The following C8orf74 variants were observed in gnomAD, a reference collection of about 807,000 sequenced individuals.
C8orf74 encodes chromosome 8 open reading frame 74, also known as uncharacterized protein C8orf74.
A neutral mutation model predicts 22.2 loss-of-function variants in C8orf74; 29 were observed. The observed-to-expected ratio is 1.31, with a 90% confidence interval of 0.97 to 1.78. The LOEUF (loss-of-function observed/expected upper bound fraction) is 1.78, where lower values mean the gene tolerates loss of function less well. C8orf74 is among the 40% of genes most tolerant of loss of function. The probability of loss-of-function intolerance (pLI) is 0.00; values close to 1 mark genes in which losing one functional copy is unlikely to be tolerated. For missense variants in C8orf74, 515 were observed against 369.9 expected, an observed-to-expected ratio of 1.39 and a Z score of -3.22; for synonymous variants, 255 against 163.1, an observed-to-expected ratio of 1.56 and a Z score of -4.30.
At chr8:10,672,994 G>A (rs1360125988) in intron 1 of C8orf74, among the ~76,000 whole-genome samples, 1 of 152,194 alleles carries the variant, frequency 6.6e-6, no homozygotes, top group Non-Finnish European at 1.5e-5. Flanking sequence ...CTGGGACCCT[G>A]AGGGTCCTGC....
At chr8:10,678,687 G>T (rs1375342382) in intron 2 of C8orf74, among the ~76,000 whole-genome samples, 1 of 152,158 alleles carries the variant, frequency 6.6e-6, no homozygotes, top group Non-Finnish European at 1.5e-5. Flanking sequence ...TGCCCAGTGG[G>T]TGACTGACCC....
intron 2 of C8orf74, among the ~76,000 whole-genome samples, chr8:10,679,347 G>A (rs1049339959): frequency 2.0e-5 from 3 of 152,076 alleles, no homozygotes; most frequent in African/African-American, 7.2e-5. Flanking sequence ...TGCCCCGCCC[G>A]GACAGCAGCG....
chr8:10,676,504 C>T (rs372515898), intron 2 of C8orf74, among the ~76,000 whole-genome samples: 80 of 152,326 alleles, frequency 5.3e-4, no homozygotes, highest in South Asian at 1.9e-3. Flanking sequence ...GAATGTCCCA[C>T]GGCACCTCTG....
intron 2 of C8orf74, among the ~76,000 whole-genome samples, chr8:10,695,356 G>A (rs1209658485): frequency 6.6e-6 from 1 of 152,044 alleles, no homozygotes; most frequent in Non-Finnish European, 1.5e-5. Context: ...GTAACCCTTG[G>A]GCTCCAAGCC....
intron 2 of C8orf74, among the ~76,000 whole-genome samples, chr8:10,690,350 C>T (rs1048276966): frequency 2.6e-5 from 4 of 152,158 alleles, no homozygotes; most frequent in Non-Finnish European, 4.4e-5. Flanking sequence ...GCGGTACAGT[C>T]CCCGGCAGCC....
intron 2 of C8orf74, chr8:10,687,042 A>G (rs1278714947): frequency 2.2e-6 from 1 of 454,970 alleles, no homozygotes; most frequent in East Asian, 7.0e-5. Flanking sequence ...CTCCAGGGTT[A>G]TAGTCCTAGA....
At chr8:10,686,106 G>A (rs1270312672) in intron 2 of C8orf74, among the ~76,000 whole-genome samples, 2 of 152,242 alleles carry the variant, frequency 1.3e-5, no homozygotes, top group South Asian at 4.2e-4. Flanking sequence ...AATGGTCAGT[G>A]TTATGTTATG....
rs892473238 is a variant in C8orf74, at chr8:10,700,330, G to T, written c.744G>T (p.Leu248Phe). The T allele has an allele frequency of 5.0e-6, 8 of 1,613,832 alleles. No individual in the cohort carries two copies. The highest frequency in any genetic ancestry group is 5.9e-6 in the Non-Finnish European group (7 of 1,179,834). ...AGATCCAGAACACATTCGCCATCTT[G>T]GACCTGAAGCTTCAGAAGAAGACTC... Reference protein sequence around the residue: ...QRQIQNTFAILDLKLQKKTLN... With the variant: ...QRQIQNTFAIFDLKLQKKTLN... The change falls in exon 4 of 4, where the codon TTG (leucine) becomes TTT (phenylalanine). Residue 248 changes from leucine to phenylalanine, a missense_variant. Physicochemically the swap from Leu to Phe is conservative, Grantham distance 22 (BLOSUM62 0). Coordinates refer to ENST00000304519, the MANE Select transcript of C8orf74 (RefSeq NM_001040032.2).
chr8:10,698,205 T>C (rs895988537), intron 3 of C8orf74, among the ~76,000 whole-genome samples, 200 bp downstream of exon 3: 1 of 152,186 alleles, frequency 6.6e-6, no homozygotes, highest in African/African-American at 2.4e-5. Flanking sequence ...ATGAGACGAC[T>C]GAGGCGCAGA....
chr8:10,686,906 T>C (rs1343382438), intron 2 of C8orf74, among the ~76,000 whole-genome samples: 1 of 152,164 alleles, frequency 6.6e-6, no homozygotes, highest in Non-Finnish European at 1.5e-5. Flanking sequence ...CTTCACTGTT[T>C]GAGTGACCAG....
chr8:10,689,479 T>G (rs767693011), intron 2 of C8orf74: 6 of 152,208 alleles, frequency 3.9e-5, no homozygotes, highest in Non-Finnish European at 5.9e-5. Context: ...AAGCTCTATT[T>G]AATCTCCCTG....
At chr8:10,688,116 G>T (rs974495333) in intron 2 of C8orf74, among the ~76,000 whole-genome samples, 70 of 150,602 alleles carry the variant, frequency 4.6e-4, no homozygotes, top group African/African-American at 1.7e-3. Context: ...GAGGCAGGAG[G>T]ATCACTTGAA....
intron 2 of C8orf74, among the ~76,000 whole-genome samples, chr8:10,682,784 C>G (rs371136264): frequency 6.6e-6 from 1 of 152,230 alleles, no homozygotes; most frequent in Admixed American, 6.5e-5. Flanking sequence ...GGTCAGAAAT[C>G]AAGACGGGGC....
chr8:10,681,666 G>C (rs753080997), intron 2 of C8orf74, among the ~76,000 whole-genome samples: 4 of 152,220 alleles, frequency 2.6e-5, no homozygotes, highest in Admixed American at 2.6e-4. Flanking sequence ...TCTGACCTCT[G>C]TGCTGCTCCG....
At chr8:10,675,528 C>T (rs759475986) in intron 2 of C8orf74, 3 of 152,214 alleles carry the variant, frequency 2.0e-5, no homozygotes. Context: ...AAATGGGATA[C>T]TTCCATGCTT....
chr8:10,672,854 G>C (rs983545314), intron 1 of C8orf74, 141 bp downstream of exon 1: 13 of 725,220 alleles, frequency 1.8e-5, no homozygotes, highest in Non-Finnish European at 2.3e-5. Flanking sequence ...GCTGTGACGA[G>C]ATGTGGGGCC....
chr8:10,690,096 C>A (rs1403507481), intron 2 of C8orf74, among the ~76,000 whole-genome samples: 2 of 152,212 alleles, frequency 1.3e-5, no homozygotes, highest in African/African-American at 2.4e-5. Flanking sequence ...CTTGCAGTGT[C>A]CACCTCCAAG....
In C8orf74 at chr8:10,681,721, G is replaced by A. The variant is rs7825000; in HGVS notation, c.241+6883G>A. Among the ~76,000 whole-genome samples, 148 of 152,290 alleles carry A rather than the reference G, an allele frequency of 9.7e-4. 1 individual carries two copies. Among genetic ancestry groups the A allele is most frequent in the African/African-American group, 3.2e-3 (133 of 41,572 alleles). On this transcript the variant is annotated intron_variant, in intron 2 of 3. Coordinates refer to ENST00000304519, the MANE Select transcript of C8orf74 (RefSeq NM_001040032.2). ...GTGGCAGGCACGGCCTCTCTTGGAC[G>A]CTCTTTCAAGACAGCTGAAGCAGGA...
At chr8:10,684,254 G>A (rs1334795112) in intron 2 of C8orf74, among the ~76,000 whole-genome samples, 1 of 152,202 alleles carries the variant, frequency 6.6e-6, no homozygotes, top group Non-Finnish European at 1.5e-5. Flanking sequence ...GGAAGAACCA[G>A]TACTAACCTT....
Sources: gnomAD v4.1 joint callset for allele counts (sites outside exome capture counted in the v4.1 genomes callset) on GRCh38, gnomAD v4.1.1 for gene constraint, MANE v1.5 for transcripts, NCBI Gene and HGNC (gene_info 2026-07-23, HGNC 2026-07-21) for gene names.